The following LHX1 variants were observed in gnomAD, a reference collection of about 807,000 sequenced individuals.
LHX1 encodes the protein LIM/homeobox protein Lhx1.
In LHX1, 9 loss-of-function variants were observed where a neutral mutation model predicts 34.1. The ratio of observed to expected loss-of-function variants is 0.26; its 90% CI spans 0.16 to 0.46. The LOEUF is 0.46. LHX1 is among the 20% of genes least tolerant of loss of function. LHX1 has a pLI of 1.00. For synonymous variants in LHX1, 254 were observed against 241.5 expected (o/e 1.05, Z -0.48); for missense variants, 446 against 559.1 (o/e 0.80, Z 2.04).
chr17:36,942,908 GCCACCA>G lies in LHX1; in HGVS notation c.1001_1006del (p.His334_His335del). On this transcript the variant is annotated inframe_deletion, in exon 5 of 5. Coordinates refer to ENST00000614239, the MANE Select transcript of LHX1 (RefSeq NM_005568.5). ...GGTGGCCTGGAGCACCCGCTGCCGGGCCACCACCCGTCGAGCGAGGCGCAGCGGTTT... is the reference window on the plus strand; with the variant it reads ...GGTGGCCTGGAGCACCCGCTGCCGGGCCCGTCGAGCGAGGCGCAGCGGTTT... 6.3e-7 allele frequency: 1 copy of G among 1,599,000 alleles called. No homozygotes were observed. The highest frequency in any genetic ancestry group is 1.1e-5 in the South Asian group (1 of 89,442).
rs1011096509 is a variant in LHX1 at position 36,943,780 on chromosome 17, T to G, written c.*649T>G. The G allele has an allele frequency of 2.0e-5, 3 of 152,166 alleles. No homozygotes were observed. The highest frequency in any genetic ancestry group is 6.5e-5 in the Admixed American group (1 of 15,282). The allele number at this position is 152,166 out of a possible 1,614,324, so 9.4% of individuals were successfully genotyped here. The stretch of plus-strand genomic sequence containing the variant: ...AAAATTCTAAATGTAAAGCCCTCCG[T>G]ATCAACTCTTCTACCTTCGCAAAAC... On this transcript the variant is annotated 3_prime_UTR_variant, in exon 5 of 5. Coordinates refer to ENST00000614239, the MANE Select transcript of LHX1 (RefSeq NM_005568.5).
rs772268779 is a variant in LHX1, at chr17:36,938,158, C to G, written c.-40C>G. The G allele has an allele frequency of 4.4e-6, 7 of 1,589,978 alleles. No homozygotes were observed. The highest frequency in any genetic ancestry group is 1.3e-5 in the African/African-American group (1 of 74,282). On this transcript the variant is annotated 5_prime_UTR_variant, in exon 1 of 5. Transcript: ENST00000614239. ...GTCATCCCCTGGGCTCTACTTTGCC[C>G]CTCTCTCTCTCTGGGCCTCATCAGA...
chr17:36,939,955 T>G, intron 1 of LHX1: 9 of 480,692 alleles, frequency 1.9e-5, no homozygotes, highest in East Asian at 3.8e-5. Context: ...CTTGCCACCT[T>G]CTTTAGACGA....
upstream of LHX1, chr17:36,937,377 G>T (rs1052681856): frequency 2.0e-4 from 67 of 335,254 alleles, no homozygotes; most frequent in Middle Eastern, 1.1e-3. Flanking sequence ...GAGCGAGTGC[G>T]CCTGGCTGCC....
chr17:36,943,196 A>AC lies in LHX1; in HGVS notation c.*65_*66insC. On this transcript the variant is annotated 3_prime_UTR_variant, in exon 5 of 5. Transcript: ENST00000614239. ...AAATGAACCTTTATTTAAGAAAAAT[A>AC]GAAAAAAAAAAACATAAAAAGCAAG... 7.1e-7 allele frequency: 1 copy of AC among 1,402,886 alleles called. No homozygotes were observed. The highest frequency in any genetic ancestry group is 2.1e-5 in the African/African-American group (1 of 48,056). 86.9% of individuals were successfully genotyped at this position (1,402,886 alleles called of 1,614,324 possible). A position where few individuals can be genotyped will look rare whatever the true frequency, so the allele number is the denominator to read the frequency against.
rs1208240472 is a variant in LHX1, at chr17:36,943,297, AGGAT to A, written c.*167_*170del. On this transcript the variant is annotated 3_prime_UTR_variant, in exon 5 of 5. Coordinates refer to ENST00000614239, the MANE Select transcript of LHX1 (RefSeq NM_005568.5). The stretch of plus-strand genomic sequence containing the variant: ...CGGATGGAAAAGGGGGACACGAAAT[AGGAT>A]CCAAATCGGCCTCGAGGTGGGACTG... 43 of 844,812 alleles carry A rather than the reference AGGAT, an allele frequency of 5.1e-5. No individual in the cohort carries two copies. The highest frequency in any genetic ancestry group is 7.0e-5 in the Non-Finnish European group (40 of 570,600). 52.3% of individuals were successfully genotyped at this position (844,812 alleles called of 1,614,324 possible).
upstream of LHX1, chr17:36,936,977 A>AT (rs1187665158): frequency 3.6e-4 from 91 of 250,402 alleles, no homozygotes; most frequent in East Asian, 2.5e-3. Flanking sequence ...GCGCCAGGAC[A>AT]TTTTTTTTTA....
chr17:36,938,407 G>A, intron 1 of LHX1, 40 bp downstream of exon 1: 1 of 1,603,610 alleles, frequency 6.2e-7, no homozygotes, highest in Non-Finnish European at 8.5e-7. Flanking sequence ...CTACCTCCCC[G>A]CGGGCCCTTC....
chr17:36,937,274 A>G (rs1429018704), upstream of LHX1: 1 of 443,892 alleles, frequency 2.3e-6, no homozygotes, highest in Non-Finnish European at 4.5e-6. Context: ...GTGCCTCCCG[A>G]AGGAGCCCGG....
At chr17:36,941,065 C>G (rs374091846) in intron 3 of LHX1, 178 bp downstream of exon 3, 1 of 968,220 alleles carries the variant, frequency 1.0e-6, no homozygotes. Flanking sequence ...CTTCGAGCAT[C>G]TAGAAAGTCC....
At chr17:36,938,564 A>G (rs557991244) in intron 1 of LHX1, 197 bp downstream of exon 1, 3 of 675,098 alleles carry the variant, frequency 4.4e-6, no homozygotes, top group Admixed American at 4.2e-5. Flanking sequence ...TGCATCCTGG[A>G]AACTATGGGT....
rs1243396940 is a variant in LHX1 at position 36,944,402 on chromosome 17, A to G, written c.*1271A>G. On this transcript the variant is annotated 3_prime_UTR_variant, in exon 5 of 5. Coordinates refer to ENST00000614239, the MANE Select transcript of LHX1 (RefSeq NM_005568.5). ...GGTTTTATTTTTGTGTCTTTAAAAT[A>G]AAAGTCCAAAATATTTAAATTTTAT... is the stretch of plus-strand genomic sequence containing the variant. 2 of 152,222 alleles carry G rather than the reference A, an allele frequency of 1.3e-5. No individual in the cohort carries two copies. The highest frequency in any genetic ancestry group is 4.8e-5 in the African/African-American group (2 of 41,460). 9.4% of individuals were successfully genotyped at this position (152,222 alleles called of 1,614,324 possible). A position where few individuals can be genotyped will look rare whatever the true frequency, so the allele number is the denominator to read the frequency against.
intron 1 of LHX1, 31 bp from the exon 2 acceptor site, chr17:36,940,255 CCCCG>C: frequency 6.3e-6 from 3 of 474,264 alleles, no homozygotes; most frequent in Non-Finnish European, 1.1e-5. Context: ...GCTGACCCAT[CCCCG>C]CCCCCGCCCC....
At chr17:36,938,470 T>C in intron 1 of LHX1, 103 bp downstream of exon 1, 1 of 1,247,272 alleles carries the variant, frequency 8.0e-7, no homozygotes, top group Admixed American at 1.8e-5. Context: ...AGTTAGGAAC[T>C]GCTTCTAGAG....
intron 4 of LHX1, 22 bp downstream of exon 4, chr17:36,942,387 G>A (rs1459367815): frequency 3.2e-6 from 5 of 1,565,750 alleles, no homozygotes; most frequent in Non-Finnish European, 4.3e-6. Context: ...CCGAATGGCG[G>A]GGCGCGGCCA....
At chr17:36,942,057 G>C (rs1292490109) in intron 3 of LHX1, 143 bp from the exon 4 acceptor site, 2 of 770,766 alleles carry the variant, frequency 2.6e-6, no homozygotes, top group Admixed American at 5.2e-5. Flanking sequence ...AGATCGCACC[G>C]TCACCACTAC....
rs2070787898 is a variant in LHX1 at position 36,944,229 on chromosome 17, T to A, written c.*1098T>A. The A allele has an allele frequency of 7.0e-6, 1 of 143,854 alleles. No homozygotes were observed. The allele number at this position is 143,854 out of a possible 1,614,324, so 8.9% of individuals were successfully genotyped here. A position where few individuals can be genotyped will look rare whatever the true frequency, so the allele number is the denominator to read the frequency against. ...TAGAATAATTATAGCACAAATACTG[T>A]AAAGGTGCCTGGCACCAGCAACCTG... On this transcript the variant is annotated 3_prime_UTR_variant, in exon 5 of 5. Transcript: ENST00000614239.
chr17:36,942,723 C>A, intron 4 of LHX1, 29 bp from the exon 5 acceptor site: 5 of 1,465,056 alleles, frequency 3.4e-6, no homozygotes, highest in Non-Finnish European at 4.5e-6. Flanking sequence ...CGGGCCCTGA[C>A]GTCCTGCGCC....
Position 36,943,291 on chromosome 17 carries a change from C to G in LHX1, c.*160C>G, listed in dbSNP as rs186284263. On this transcript the variant is annotated 3_prime_UTR_variant, in exon 5 of 5. Coordinates refer to ENST00000614239, the MANE Select transcript of LHX1 (RefSeq NM_005568.5). ...GGAGACCGGATGGAAAAGGGGGACA[C>G]GAAATAGGATCCAAATCGGCCTCGA... 2.5e-3 allele frequency: 2,150 copies of G among 876,100 alleles called. 7 individuals carry two copies. Among genetic ancestry groups the G allele is most frequent in the Middle Eastern group, 6.1e-3 (17 of 2,784 alleles). The allele number at this position is 876,100 out of a possible 1,614,324, so 54.3% of individuals were successfully genotyped here.
Sources: gnomAD v4.1 joint callset for allele counts on GRCh38, gnomAD v4.1.1 for gene constraint, MANE v1.5 for transcripts, NCBI Gene and HGNC (gene_info 2026-07-23, HGNC 2026-07-21) for gene names.